Variants in CBY2 observed in about 807,000 individuals in gnomAD.
CBY2 encodes chibby family member 2, also known as protein chibby homolog 2.
CBY2 carries 23 observed loss-of-function variants against 25.3 expected under a neutral mutation model. That is an observed-to-expected ratio of 0.91 (90% CI 0.65 to 1.29). CBY2 has a LOEUF of 1.29. CBY2 is among the 50% of genes most tolerant of loss of function. CBY2 has a pLI of 0.00. For missense variants in CBY2, 642 were observed against 590.7 expected, an observed-to-expected ratio of 1.09 and a Z score of -0.90; for synonymous variants, 279 against 260.2, an observed-to-expected ratio of 1.07 and a Z score of -0.70.
Position 45,703,547 on chromosome 13 carries a change from C to A in CBY2, c.156+692C>A, listed in dbSNP as rs745952618. 13 of 1,551,014 alleles carry A rather than the reference C, an allele frequency of 8.4e-6. 1 individual carries two copies. The South Asian group carries it at 1.4e-4, about 17-fold the overall frequency. ...TCCTCATTGGAAGACCAGGGCCATGCAACCAGAGGGGTTGAAATGTAGGAT... is the reference window on the plus strand; with the variant it reads ...TCCTCATTGGAAGACCAGGGCCATGAAACCAGAGGGGTTGAAATGTAGGAT... On this transcript the variant is annotated intron_variant, in intron 2 of 2. Transcript: ENST00000310521.
At chr13:45,712,097 G>C (rs1350659768) in intron 2 of CBY2, among the ~76,000 whole-genome samples, 1 of 152,208 alleles carries the variant, frequency 6.6e-6, no homozygotes, top group Non-Finnish European at 1.5e-5. Context: ...AATTTGGGTG[G>C]CTGTTTGGAT....
chr13:45,707,195 T>G (rs1373397901), intron 2 of CBY2, among the ~76,000 whole-genome samples: 2 of 152,136 alleles, frequency 1.3e-5, no homozygotes, highest in Non-Finnish European at 2.9e-5. Flanking sequence ...GGATTATATA[T>G]TCAAGATGAT....
chr13:45,707,361 T>G (rs1054428584), intron 2 of CBY2, among the ~76,000 whole-genome samples: 3 of 152,172 alleles, frequency 2.0e-5, no homozygotes, highest in South Asian at 4.1e-4. Flanking sequence ...CTGGGACTAT[T>G]TTAAAGTCTT....
intron 2 of CBY2, among the ~76,000 whole-genome samples, chr13:45,710,062 G>A (rs112441514): frequency 1.8e-4 from 27 of 152,234 alleles, no homozygotes; most frequent in African/African-American, 6.0e-4. Context: ...CTCAGCTCAC[G>A]GCCTAGCATG....
Position 45,714,114 on chromosome 13 carries a change from G to A in CBY2, c.1089G>A (p.Arg363=), listed in dbSNP as rs1447710312. Residue 363 remains arginine (R), a synonymous_variant, in exon 3 of 3, where the codon AGG becomes AGA. Transcript: ENST00000310521. ...CCCTGCAGCTGCTGAGAGAGATGAG[G>A]CAGGCGCTGCAGGCCCTGCTCAAGG... ...CQPLQLLREM[R]QALQALLKEN... is the part of the protein sequence containing the mutation. 6.4e-7 allele frequency: 1 copy of A among 1,566,592 alleles called. No homozygotes were observed. Among genetic ancestry groups the A allele is most frequent in the East Asian group, 2.3e-5 (1 of 43,514 alleles).
At chr13:45,705,262 G>C (rs1403502599) in intron 2 of CBY2, among the ~76,000 whole-genome samples, 2 of 152,134 alleles carry the variant, frequency 1.3e-5, no homozygotes, top group Admixed American at 6.5e-5. Context: ...GGTTCCTTTT[G>C]TATGTAATGA....
In CBY2 at chr13:45,713,885, C is replaced by G; in HGVS notation, c.860C>G (p.Pro287Arg). 1 of 1,532,464 alleles carries G rather than the reference C, an allele frequency of 6.5e-7. No individual in the cohort carries two copies. Among genetic ancestry groups the G allele is most frequent in the Non-Finnish European group, 8.7e-7 (1 of 1,144,074 alleles). The allele number at this position is 1,532,464 out of a possible 1,614,324, so 94.9% of individuals were successfully genotyped here. A position where few individuals can be genotyped will look rare whatever the true frequency, so the allele number is the denominator to read the frequency against. ...GAGGAAAGCAAGCCCGCCCCCTCACCCCACGAGGAGCCCTGCAGCCCCGGG... is the reference window on the plus strand; with the variant it reads ...GAGGAAAGCAAGCCCGCCCCCTCACGCCACGAGGAGCCCTGCAGCCCCGGG... ...PAEESKPAPS[P>R]HEEPCSPGLL... Residue 287 changes from proline (P) to arginine (R), a missense_variant, in exon 3 of 3, where the codon CCC becomes CGC. Coordinates refer to ENST00000310521, the MANE Select transcript of CBY2 (RefSeq NM_152719.3). This position sits in a 1 kb window ranked among gnomAD's most constrained non-coding sequence, Gnocchi z 5.0.
intron 2 of CBY2, chr13:45,703,352 A>G (rs1261265003): frequency 7.0e-7 from 1 of 1,431,468 alleles, no homozygotes; most frequent in Admixed American, 2.9e-5. Flanking sequence ...GGCCATGGGC[A>G]TAGATGCTTT....
chr13:45,712,209 C>A (rs886193446), intron 2 of CBY2, among the ~76,000 whole-genome samples: 1 of 152,178 alleles, frequency 6.6e-6, no homozygotes, highest in African/African-American at 2.4e-5. Flanking sequence ...ACAGAATGTG[C>A]CAGAGCCCAT....
intron 2 of CBY2, chr13:45,703,179 A>G: frequency 8.0e-7 from 1 of 1,250,552 alleles, no homozygotes; most frequent in Non-Finnish European, 1.0e-6. Flanking sequence ...AGTGTTGTGC[A>G]ATCACTCTGG....
At chr13:45,709,850 A>T (rs1950259676) in intron 2 of CBY2, among the ~76,000 whole-genome samples, 1 of 152,240 alleles carries the variant, frequency 6.6e-6, no homozygotes, top group East Asian at 1.9e-4. Context: ...AGGACTTTTG[A>T]TAAATCCATG....
intron 2 of CBY2, among the ~76,000 whole-genome samples, chr13:45,707,922 AT>A (rs563539379): frequency 6.4e-4 from 98 of 152,118 alleles, no homozygotes; most frequent in Non-Finnish European, 1.1e-3. Flanking sequence ...ACTCAGTGTT[AT>A]TTTTTTTCTT....
chr13:45,714,403 T>TG lies in CBY2; in HGVS notation c.*34dup. On this transcript the variant is annotated 3_prime_UTR_variant, in exon 3 of 3. Transcript: ENST00000310521. ...CGGCCTTGCACCGGGACGCCGAGTTTGGGACACCGAACACTGGGCAAAAGA... is the reference window on the plus strand; with the variant it reads ...CGGCCTTGCACCGGGACGCCGAGTTTGGGGACACCGAACACTGGGCAAAAGA... 1 of 1,522,346 alleles carries TG rather than the reference T, an allele frequency of 6.6e-7. No homozygotes were observed. The highest frequency in any genetic ancestry group is 8.9e-7 in the Non-Finnish European group (1 of 1,129,198). The allele number at this position is 1,522,346 out of a possible 1,614,324, so 94.3% of individuals were successfully genotyped here. A position where few individuals can be genotyped will look rare whatever the true frequency, so the allele number is the denominator to read the frequency against.
At chr13:45,705,132 T>C (rs1950232836) in intron 2 of CBY2, among the ~76,000 whole-genome samples, 2 of 152,210 alleles carry the variant, frequency 1.3e-5, no homozygotes, top group Non-Finnish European at 1.5e-5. Context: ...TTTTCAGGAC[T>C]CATTGATTTC....
rs1166424210 is a variant in CBY2 at position 45,714,046 on chromosome 13, G to C, written c.1021G>C (p.Glu341Gln). 1.2e-5 allele frequency: 18 copies of C among 1,500,136 alleles called. No individual in the cohort carries two copies. The highest frequency in any genetic ancestry group is 1.6e-5 in the Non-Finnish European group (18 of 1,123,884). The allele number at this position is 1,500,136 out of a possible 1,614,324, so 92.9% of individuals were successfully genotyped here. A position where few individuals can be genotyped will look rare whatever the true frequency, so the allele number is the denominator to read the frequency against. The stretch of plus-strand genomic sequence containing the variant: ...CAACATGTCCGGGCCCTCCGGGGAG[G>C]AGGAGGCCAAGGTGGGCCCGGGCCT... ...VSNMSGPSGE[E>Q]EAKVGPGLPD... The change falls in exon 3 of 3, where the codon GAG (glutamate) becomes CAG (glutamine). Residue 341 changes from glutamate to glutamine, a missense_variant. Physicochemically the swap from Glu to Gln is conservative, Grantham distance 29. Transcript: ENST00000310521.
chr13:45,708,585 G>A (rs1054627832), intron 2 of CBY2, among the ~76,000 whole-genome samples: 2 of 152,112 alleles, frequency 1.3e-5, no homozygotes, highest in African/African-American at 4.8e-5. Context: ...TTTCCTTTAA[G>A]GATTAAATCC....
In CBY2 at chr13:45,713,151, T is replaced by C; in HGVS notation, c.157-31T>C. ...GCCCCAAGTGTGTCAGTCCCATCGT[T>C]AACGCTGGGCTTTCCCATTCTCTCC... On this transcript the variant is annotated intron_variant, in intron 2 of 2. Coordinates refer to ENST00000310521, the MANE Select transcript of CBY2 (RefSeq NM_152719.3). This position sits in a 1 kb window ranked among gnomAD's most constrained non-coding sequence, Gnocchi z 5.0. 6.4e-7 allele frequency: 1 copy of C among 1,551,822 alleles called. No homozygotes were observed. Among genetic ancestry groups the C allele is most frequent in the Non-Finnish European group, 8.8e-7 (1 of 1,139,288 alleles).
chr13:45,712,783 ATG>A (rs1266261311), intron 2 of CBY2, among the ~76,000 whole-genome samples: 1 of 152,216 alleles, frequency 6.6e-6, no homozygotes. Context: ...GAGAAAACAC[ATG>A]TGTTAGAGAA....
chr13:45,710,308 A>G (rs1950262338), intron 2 of CBY2, among the ~76,000 whole-genome samples: 1 of 152,146 alleles, frequency 6.6e-6, no homozygotes, highest in East Asian at 1.9e-4. Flanking sequence ...GCAGATCACA[A>G]GGTCAAGAGA....
Sources: gnomAD v4.1 joint callset for allele counts (sites outside exome capture counted in the v4.1 genomes callset) on GRCh38, gnomAD v4.1.1 for gene constraint, Gnocchi (gnomAD v3.1) non-coding constraint, MANE v1.5 for transcripts, NCBI Gene and HGNC (gene_info 2026-07-23, HGNC 2026-07-21) for gene names.